Variants in PTPRG observed in about 807,000 individuals in gnomAD.
The protein encoded by PTPRG is receptor-type tyrosine-protein phosphatase gamma.
A neutral mutation model predicts 165.3 loss-of-function variants in PTPRG; 102 were observed. That is an observed-to-expected ratio of 0.62 (90% confidence interval 0.53 to 0.73). The LOEUF is 0.73. PTPRG is among the 30% of genes least tolerant of loss of function. PTPRG has a pLI of 0.00. For synonymous variants in PTPRG, 675 were observed against 669.5 expected (o/e 1.01, Z -0.13); for missense variants, 1,866 against 1,861.4 (o/e 1.00, Z -0.05).
intron 1 of PTPRG, among the ~76,000 whole-genome samples, chr3:61,599,833 G>C (rs1700802318): frequency 6.6e-6 from 1 of 152,046 alleles, no homozygotes; most frequent in South Asian, 2.1e-4. Context: ...ATGCATTCAT[G>C]TTTCTGAAAG....
chr3:62,289,702 C>CG (rs922247507), intron 28 of PTPRG, among the ~76,000 whole-genome samples: 1 of 136,372 alleles, frequency 7.3e-6, no homozygotes, highest in African/African-American at 2.7e-5. Context: ...TCATGATCCC[C>CG]CCCCCCCAAA....
chr3:62,015,514 A>AT (rs1177470104), intron 4 of PTPRG, among the ~76,000 whole-genome samples: 8 of 151,812 alleles, frequency 5.3e-5, no homozygotes, highest in East Asian at 1.9e-4. Context: ...AACAAAAAAA[A>AT]TTTTTTTTTA....
At chr3:61,926,648 A>G (rs1344904595) in intron 2 of PTPRG, among the ~76,000 whole-genome samples, 2 of 125,538 alleles carry the variant, frequency 1.6e-5, no homozygotes, top group African/African-American at 6.4e-5. Context: ...CTAACATCAT[A>G]AGGTATTTTT....
chr3:62,291,305 T>C (rs1392879216), intron 28 of PTPRG, among the ~76,000 whole-genome samples: 1 of 152,152 alleles, frequency 6.6e-6, no homozygotes, highest in African/African-American at 2.4e-5. Context: ...GCAGTGTCTT[T>C]AAAACTAAAA....
At chr3:62,288,866 T>C (rs74365610) in intron 28 of PTPRG, among the ~76,000 whole-genome samples, 1,865 of 152,262 alleles carry the variant, frequency 0.012, 15 homozygotes, top group South Asian at 0.017. Context: ...AACTGAATGA[T>C]GACTACATGA....
chr3:62,203,765 G>C lies in PTPRG; in HGVS notation c.1970G>C (p.Gly657Ala), dbSNP rs370534593. 8.7e-6 allele frequency: 14 copies of C among 1,610,330 alleles called. No individual in the cohort carries two copies. The highest frequency in any genetic ancestry group is 1.2e-5 in the Non-Finnish European group (14 of 1,178,178). ...DHTAVPTDQT[G>A]GRRDAGPGLD... ...ACTGCCGTCCCCACAGACCAGACGG[G>C]CGGAAGGAGGGATGCCGGCCCAGGC... The change falls in exon 12 of 30, where the codon GGC (glycine) becomes GCC (alanine). Residue 657 changes from glycine to alanine, a missense_variant. Coordinates refer to ENST00000474889, the MANE Select transcript of PTPRG (RefSeq NM_002841.4). The surrounding 1 kb of genome is among the most constrained non-coding windows in gnomAD (Gnocchi z 6.4).
chr3:61,909,863 A>G (rs1388252164), intron 2 of PTPRG, among the ~76,000 whole-genome samples: 2 of 152,234 alleles, frequency 1.3e-5, no homozygotes, highest in Non-Finnish European at 2.9e-5. Flanking sequence ...GATAAATATT[A>G]AAGTCTGTTC....
intron 2 of PTPRG, among the ~76,000 whole-genome samples, chr3:61,786,351 T>C (rs2034701372): frequency 6.6e-6 from 1 of 152,224 alleles, no homozygotes; most frequent in South Asian, 2.1e-4. Context: ...CTTCATGGCA[T>C]GGGAAGCACA....
Position 61,919,615 on chromosome 3 carries a change from C to T in PTPRG, c.191-70010C>T, listed in dbSNP as rs945450641. ...GTGAAGATGGACAAATGGGAATGGT[C>T]CTGAGCGGTCCCATTCATCTCCCTA... On this transcript the variant is annotated intron_variant, in intron 2 of 29. Coordinates refer to ENST00000474889, the MANE Select transcript of PTPRG (RefSeq NM_002841.4). Among the ~76,000 whole-genome samples, 8 of 152,072 alleles carry T rather than the reference C, an allele frequency of 5.3e-5. No individual in the cohort carries two copies. In the East Asian group the frequency reaches 5.8e-4, roughly 11 times the overall value.
chr3:61,676,167 C>T (rs1221493844), intron 1 of PTPRG, among the ~76,000 whole-genome samples: 1 of 152,042 alleles, frequency 6.6e-6, no homozygotes, highest in African/African-American at 2.4e-5. Context: ...TAGAAAGTTA[C>T]TAAAGTCTAG....
chr3:62,053,164 G>A (rs1323588130), intron 4 of PTPRG, among the ~76,000 whole-genome samples: 3 of 151,104 alleles, frequency 2.0e-5, no homozygotes, highest in Non-Finnish European at 1.5e-5. Context: ...CATTTTTTGT[G>A]GTTTAATATA....
chr3:61,738,120 G>T (rs2032792816), intron 1 of PTPRG, among the ~76,000 whole-genome samples: 3 of 148,890 alleles, frequency 2.0e-5, no homozygotes, highest in South Asian at 4.3e-4. Flanking sequence ...CCGTGGTCTC[G>T]ATCTCCTGAC....
Position 62,267,490 on chromosome 3 carries a change from G to C in PTPRG, c.2737G>C (p.Asp913His), listed in dbSNP as rs1176133299. The change falls in exon 18 of 30, where the codon GAT becomes CAT. Residue 913 changes from aspartate to histidine, a missense_variant and splice_region_variant. Asp to His is a moderately conservative substitution (Grantham distance 81). Transcript: ENST00000474889. ...CGACTACATTAATGCAAACTATGTTGATGTAAGTCAGAACTGTTATTATAA... is the reference window on the plus strand; with the variant it reads ...CGACTACATTAATGCAAACTATGTTCATGTAAGTCAGAACTGTTATTATAA... ...HSDYINANYV[D>H]GYNKAKAYIA... 6.2e-7 allele frequency: 1 copy of C among 1,606,038 alleles called. No individual in the cohort carries two copies. The highest frequency in any genetic ancestry group is 8.5e-7 in the Non-Finnish European group (1 of 1,174,466).
intron 2 of PTPRG, among the ~76,000 whole-genome samples, chr3:61,952,901 C>G (rs1295252783): frequency 6.6e-6 from 1 of 152,172 alleles, no homozygotes; most frequent in Admixed American, 6.5e-5. Flanking sequence ...AGTTTACCCT[C>G]TTGTGACCCA....
intron 5 of PTPRG, among the ~76,000 whole-genome samples, chr3:62,131,134 A>G (rs1703499072): frequency 6.6e-6 from 1 of 152,180 alleles, no homozygotes. Context: ...CTGACATCTT[A>G]GCCAGAAAAG....
At chr3:61,788,731 AG>A (rs1559612425) in intron 2 of PTPRG, among the ~76,000 whole-genome samples, 1 of 152,208 alleles carries the variant, frequency 6.6e-6, no homozygotes, top group Non-Finnish European at 1.5e-5. Context: ...TGGCTTTGTG[AG>A]TTGTATAGTT....
intron 1 of PTPRG, among the ~76,000 whole-genome samples, chr3:61,573,863 A>G (rs1700117899): frequency 1.3e-5 from 2 of 152,196 alleles, no homozygotes; most frequent in Admixed American, 6.5e-5. Context: ...CTGAGTATAT[A>G]TATTGTCATG....
chr3:61,810,785 C>T (rs182883657), intron 2 of PTPRG, among the ~76,000 whole-genome samples: 38 of 152,228 alleles, frequency 2.5e-4, no homozygotes, highest in African/African-American at 8.4e-4. Flanking sequence ...ATAAGTAATT[C>T]GGGACAAATG....
At chr3:61,972,333 G>A (rs2040403083) in intron 2 of PTPRG, among the ~76,000 whole-genome samples, 2 of 152,220 alleles carry the variant, frequency 1.3e-5, no homozygotes, top group African/African-American at 4.8e-5. Flanking sequence ...GCAGAGGCCA[G>A]ATGTGTAGGG....
Sources: gnomAD v4.1 joint callset for allele counts (sites outside exome capture counted in the v4.1 genomes callset) on GRCh38, gnomAD v4.1.1 for gene constraint, Gnocchi (gnomAD v3.1) non-coding constraint, MANE v1.5 for transcripts, NCBI Gene and HGNC (gene_info 2026-07-23, HGNC 2026-07-21) for gene names.